CELF4: variants seen among roughly 807,000 people sequenced by gnomAD.
CELF4 encodes the protein CUGBP Elav-like family member 4.
In CELF4, 18 loss-of-function variants were observed where a neutral mutation model predicts 59.9. That is an observed-to-expected ratio of 0.30 (90% CI 0.21 to 0.45). The LOEUF is 0.45. Ranked by LOEUF, CELF4 falls within the 20% of genes least tolerant of loss-of-function variation. The pLI is 1.00. For synonymous variants in CELF4, 261 were observed against 267.1 expected, an observed-to-expected ratio of 0.98 and a Z score of 0.22; for missense variants, 456 against 689.0, an observed-to-expected ratio of 0.66 and a Z score of 3.79.
intron 2 of CELF4, among the ~76,000 whole-genome samples, chr18:37,329,126 CAG>C (rs2097439013): frequency 6.6e-6 from 1 of 152,194 alleles, no homozygotes; most frequent in African/African-American, 2.4e-5. Context: ...ACCTCCTATG[CAG>C]AGTCATCAAA....
intron 2 of CELF4, among the ~76,000 whole-genome samples, chr18:37,467,391 T>A (rs1280202212): frequency 3.3e-5 from 5 of 152,112 alleles, no homozygotes; most frequent in African/African-American, 1.2e-4. Flanking sequence ...ATCCTGCACA[T>A]GGGCTGGGGC....
intron 1 of CELF4, among the ~76,000 whole-genome samples, chr18:37,506,972 A>G (rs1351812161): frequency 6.6e-6 from 1 of 152,146 alleles, no homozygotes; most frequent in Non-Finnish European, 1.5e-5. Flanking sequence ...AAACCTGTAC[A>G]TTCTTGAATG....
intron 2 of CELF4, among the ~76,000 whole-genome samples, chr18:37,387,005 G>A (rs536388345): frequency 3.3e-5 from 5 of 152,348 alleles, no homozygotes; most frequent in East Asian, 3.9e-4. Flanking sequence ...CTCTCTTGGC[G>A]ATAGAGAGAC....
At chr18:37,463,815 T>G (rs569046886) in intron 2 of CELF4, among the ~76,000 whole-genome samples, 2 of 152,326 alleles carry the variant, frequency 1.3e-5, no homozygotes, top group Admixed American at 6.5e-5. Flanking sequence ...AGGTTTTTTT[T>G]CTTACCTTTG....
chr18:37,506,729 C>T (rs1334869971), intron 1 of CELF4, among the ~76,000 whole-genome samples: 2 of 152,238 alleles, frequency 1.3e-5, no homozygotes, highest in Admixed American at 1.3e-4. Flanking sequence ...GCACATCAGC[C>T]CAACGGCAGC....
chr18:37,482,360 CAGAG>C (rs1424628891), intron 2 of CELF4, among the ~76,000 whole-genome samples: 1 of 152,060 alleles, frequency 6.6e-6, no homozygotes, highest in African/African-American at 2.4e-5. Flanking sequence ...GCGAGAGAGG[CAGAG>C]AGATTAGAAA....
intron 2 of CELF4, among the ~76,000 whole-genome samples, chr18:37,402,815 C>T (rs2099346465): frequency 6.6e-6 from 1 of 152,190 alleles, no homozygotes; most frequent in Non-Finnish European, 1.5e-5. Flanking sequence ...CAGCCCTGTG[C>T]CCTTCCACAG....
chr18:37,387,871 T>G (rs1265759480), intron 2 of CELF4, among the ~76,000 whole-genome samples: 1 of 152,148 alleles, frequency 6.6e-6, no homozygotes, highest in African/African-American at 2.4e-5. Context: ...CCCTGCACTC[T>G]CTCATCAGAA....
At chr18:37,262,724 G>T (rs769954702) in intron 10 of CELF4, among the ~76,000 whole-genome samples, 1 of 152,140 alleles carries the variant, frequency 6.6e-6, no homozygotes, top group African/African-American at 2.4e-5. Flanking sequence ...GACCTGGAGC[G>T]GGCAACATGG....
At chr18:37,365,423 G>C (rs914439893) in intron 2 of CELF4, among the ~76,000 whole-genome samples, 1 of 95,998 alleles carries the variant, frequency 1.0e-5, no homozygotes, top group African/African-American at 4.5e-5. Context: ...GCTGGGGTGG[G>C]ACCTGGATGA....
At chr18:37,490,180 A>T (rs2099896467) in intron 1 of CELF4, among the ~76,000 whole-genome samples, 1 of 152,208 alleles carries the variant, frequency 6.6e-6, no homozygotes, top group African/African-American at 2.4e-5. Context: ...CAATGGAGAC[A>T]CAATCAACTC....
At chr18:37,387,709 C>G (rs558915163) in intron 2 of CELF4, among the ~76,000 whole-genome samples, 1 of 152,208 alleles carries the variant, frequency 6.6e-6, no homozygotes. Context: ...AGCCCTTCTG[C>G]GGGTGGGACT....
At chr18:37,448,269 C>G (rs1472533813) in intron 2 of CELF4, among the ~76,000 whole-genome samples, 4 of 152,184 alleles carry the variant, frequency 2.6e-5, no homozygotes, top group African/African-American at 9.7e-5. Flanking sequence ...GGGCAGTTCT[C>G]CAGGAATGAG....
intron 2 of CELF4, among the ~76,000 whole-genome samples, chr18:37,356,875 A>C (rs1209599102): frequency 6.6e-6 from 1 of 152,122 alleles, no homozygotes; most frequent in Non-Finnish European, 1.5e-5. Flanking sequence ...GCTTAGCCTC[A>C]GGTGTCCATG....
chr18:37,463,732 C>A (rs2099800045), intron 2 of CELF4, among the ~76,000 whole-genome samples: 1 of 152,162 alleles, frequency 6.6e-6, no homozygotes, highest in African/African-American at 2.4e-5. Flanking sequence ...CCTCTCCAGC[C>A]CCAACCTTGC....
chr18:37,458,336 G>A (rs1401167060), intron 2 of CELF4, among the ~76,000 whole-genome samples: 3 of 152,224 alleles, frequency 2.0e-5, no homozygotes, highest in South Asian at 2.1e-4. Context: ...GCCTCTGGGA[G>A]TTTTCTTTGC....
intron 2 of CELF4, among the ~76,000 whole-genome samples, chr18:37,344,770 A>C (rs1006172996): frequency 1.2e-4 from 19 of 152,206 alleles, no homozygotes; most frequent in African/African-American, 4.6e-4. Context: ...AGAAGCTGTC[A>C]CCATTCCTGT....
At chr18:37,495,790 A>G (rs2099924489) in intron 1 of CELF4, among the ~76,000 whole-genome samples, 2 of 151,184 alleles carry the variant, frequency 1.3e-5, no homozygotes, top group Non-Finnish European at 2.9e-5. Flanking sequence ...GGCCTGAAGC[A>G]CTCCCTGATA....
intron 2 of CELF4, among the ~76,000 whole-genome samples, chr18:37,477,840 C>T (rs1014124362): frequency 2.6e-5 from 4 of 152,208 alleles, no homozygotes; most frequent in Non-Finnish European, 4.4e-5. Flanking sequence ...GTAAACGCTG[C>T]TGCCGCTGAC....
Sources: allele counts gnomAD v4.1 joint callset (sites outside exome capture counted in the v4.1 genomes callset), GRCh38; gene constraint gnomAD v4.1.1; transcripts MANE v1.5; gene names NCBI Gene and HGNC (gene_info 2026-07-23, HGNC 2026-07-21).